UBAC2: variants seen among roughly 807,000 people sequenced by gnomAD.
UBAC2 encodes the protein ubiquitin-associated domain-containing protein 2.
In UBAC2, 26 loss-of-function variants were observed where a neutral mutation model predicts 44.0. That is an observed-to-expected ratio of 0.59 (90% CI 0.43 to 0.82). UBAC2 has a LOEUF of 0.82. UBAC2 is among the 40% of genes least tolerant of loss of function. UBAC2 has a pLI of 0.00. For synonymous variants in UBAC2, 155 were observed against 154.3 expected (o/e 1.00, Z -0.04); for missense variants, 329 against 419.4 (o/e 0.78, Z 1.88).
At chr13:99,264,984 T>TA (rs397960483) in intron 4 of UBAC2, among the ~76,000 whole-genome samples, 5 of 151,180 alleles carry the variant, frequency 3.3e-5, no homozygotes, top group South Asian at 2.1e-4. Flanking sequence ...TTTTTTTTTT[T>TA]AATTGTTCTT....
chr13:99,318,140 T>G, intron 6 of UBAC2, 71 bp downstream of exon 6: 1 of 1,371,788 alleles, frequency 7.3e-7, no homozygotes, highest in Non-Finnish European at 1.0e-6. Context: ...ATTGTCCTAT[T>G]TAGATTGTGC....
chr13:99,259,013 T>C (rs768719527), intron 4 of UBAC2, among the ~76,000 whole-genome samples: 30 of 152,238 alleles, frequency 2.0e-4, no homozygotes, highest in Admixed American at 7.8e-4. Context: ...CGTGGAAGTC[T>C]AGAAATAATT....
chr13:99,255,761 A>G (rs1039335150), intron 4 of UBAC2: 3 of 1,614,092 alleles, frequency 1.9e-6, no homozygotes, highest in African/African-American at 2.7e-5. Context: ...ATGTTAACAA[A>G]TAATCCAATT....
At chr13:99,296,897 C>G (rs2044183501) in intron 4 of UBAC2, among the ~76,000 whole-genome samples, 1 of 151,546 alleles carries the variant, frequency 6.6e-6, no homozygotes, top group South Asian at 2.1e-4. Context: ...TCTGCAAGTA[C>G]TCCATGGATC....
chr13:99,325,338 C>T (rs9517685), intron 6 of UBAC2, among the ~76,000 whole-genome samples: 38,077 of 151,928 alleles, frequency 0.25, 5,969 homozygotes, highest in Non-Finnish European at 0.34. Context: ...CTCCTGACCT[C>T]GTGATCCACC....
intron 4 of UBAC2, among the ~76,000 whole-genome samples, chr13:99,290,752 A>AG (rs1373634947): frequency 6.6e-6 from 1 of 151,310 alleles, no homozygotes. Context: ...AAAGAAAGAA[A>AG]GAAAGAAAAA....
intron 3 of UBAC2, 137 bp from the exon 4 acceptor site, chr13:99,244,378 C>T: frequency 5.4e-6 from 3 of 559,428 alleles, no homozygotes; most frequent in Non-Finnish European, 9.3e-6. Flanking sequence ...AATATATATA[C>T]ACACATATGC....
At chr13:99,201,398 T>A (rs2042796553) in intron 1 of UBAC2, 1 of 1,606,988 alleles carries the variant, frequency 6.2e-7, no homozygotes, top group South Asian at 1.1e-5. Context: ...AGCTGACCTC[T>A]CAGTTTCACT....
intron 7 of UBAC2, chr13:99,356,282 T>C (rs999175491): frequency 4.1e-6 from 2 of 493,466 alleles, no homozygotes; most frequent in Non-Finnish European, 8.7e-6. Flanking sequence ...GCCCTGACCC[T>C]TTTAGCCCCT....
chr13:99,249,457 T>C (rs2043431111), intron 4 of UBAC2, among the ~76,000 whole-genome samples: 1 of 152,226 alleles, frequency 6.6e-6, no homozygotes, highest in African/African-American at 2.4e-5. Flanking sequence ...GGCACTTAGG[T>C]TGATTCCATG....
chr13:99,360,130 C>T (rs992628937), intron 7 of UBAC2, among the ~76,000 whole-genome samples: 7 of 152,170 alleles, frequency 4.6e-5, no homozygotes, highest in Admixed American at 2.0e-4. Flanking sequence ...CCAACTTGTA[C>T]GAGCAGTCAG....
intron 5 of UBAC2, 152 bp downstream of exon 5, chr13:99,314,372 T>G: frequency 1.1e-6 from 1 of 931,534 alleles, no homozygotes; most frequent in Middle Eastern, 3.3e-4. Context: ...TTAAAGGAAG[T>G]GTTACAGAAC....
intron 4 of UBAC2, among the ~76,000 whole-genome samples, chr13:99,266,853 A>G (rs745980556): frequency 3.2e-4 from 49 of 152,148 alleles, no homozygotes; most frequent in Non-Finnish European, 5.3e-4. Flanking sequence ...TTCAGTCCCT[A>G]CTTTCAGTTC....
rs181088395 is a variant in UBAC2 at position 99,297,284 on chromosome 13, A to C, written c.390-16813A>C. Among the ~76,000 whole-genome samples, 378 of 152,342 alleles carry C rather than the reference A, an allele frequency of 2.5e-3. 1 individual carries two copies. Among genetic ancestry groups the C allele is most frequent in the South Asian group, 4.1e-3 (20 of 4,830 alleles). Reference sequence around the variant, plus strand: ...GTGTGATTATTTTTAAAAGAAAAATAATTCCTCTGATAGAACTGTGTGTAC... The same window carrying C: ...GTGTGATTATTTTTAAAAGAAAAATCATTCCTCTGATAGAACTGTGTGTAC... On this transcript the variant is annotated intron_variant, in intron 4 of 8. Coordinates refer to ENST00000403766, the MANE Select transcript of UBAC2 (RefSeq NM_001144072.2).
intron 4 of UBAC2, among the ~76,000 whole-genome samples, chr13:99,268,146 C>T (rs1330177437): frequency 6.6e-6 from 1 of 152,172 alleles, no homozygotes; most frequent in East Asian, 1.9e-4. Flanking sequence ...CGTGGCCACA[C>T]CTAATCACAG....
intron 4 of UBAC2, chr13:99,255,043 A>AG: frequency 1.2e-6 from 2 of 1,614,140 alleles, no homozygotes; most frequent in Non-Finnish European, 1.7e-6. Flanking sequence ...ACACGTGCTG[A>AG]GGTTCATGAG....
intron 6 of UBAC2, among the ~76,000 whole-genome samples, chr13:99,332,453 C>A (rs925760642): frequency 6.6e-6 from 1 of 152,190 alleles, no homozygotes; most frequent in African/African-American, 2.4e-5. Context: ...AAGAGAAAAT[C>A]ATTTCCTCTT....
At chr13:99,369,442 A>T (rs969057341) in intron 8 of UBAC2, among the ~76,000 whole-genome samples, 2 of 152,220 alleles carry the variant, frequency 1.3e-5, no homozygotes, top group East Asian at 3.8e-4. Context: ...TTGCAGCACG[A>T]TACTCAATAA....
intron 4 of UBAC2, among the ~76,000 whole-genome samples, chr13:99,306,524 AAC>A (rs150201902): frequency 1.3e-5 from 2 of 151,730 alleles, no homozygotes; most frequent in African/African-American, 4.8e-5. Flanking sequence ...CCCCTCCCCC[AAC>A]ACACACACAA....
Sources: allele counts gnomAD v4.1 joint callset (sites outside exome capture counted in the v4.1 genomes callset), GRCh38; gene constraint gnomAD v4.1.1; transcripts MANE v1.5; gene names NCBI Gene and HGNC (gene_info 2026-07-23, HGNC 2026-07-21).